EYA2: variants seen among roughly 807,000 people sequenced by gnomAD.
EYA2 encodes the protein EYA transcriptional coactivator and phosphatase 2, also known as protein phosphatase EYA2.
Under a neutral mutation model 69.2 loss-of-function variants are expected in EYA2, and 31 were observed. That is an observed-to-expected ratio of 0.45 (90% CI 0.34 to 0.60). The LOEUF (loss-of-function observed/expected upper bound fraction) is 0.60. Among genes scored for constraint, EYA2 ranks in the 20% least tolerant of loss-of-function variants. The pLI is 0.02. For synonymous variants in EYA2, 257 were observed against 279.4 expected (o/e 0.92, Z 0.80); for missense variants, 622 against 701.2 (o/e 0.89, Z 1.28).
intron 1 of EYA2, among the ~76,000 whole-genome samples, chr20:46,953,206 A>G (rs1019784456): frequency 6.6e-6 from 1 of 152,158 alleles, no homozygotes; most frequent in African/African-American, 2.4e-5. Flanking sequence ...AATTCGTTTC[A>G]TCTTCATGAC....
At chr20:47,184,263 G>A (rs2034592555) in intron 15 of EYA2, among the ~76,000 whole-genome samples, 1 of 152,124 alleles carries the variant, frequency 6.6e-6, no homozygotes, top group Admixed American at 6.5e-5. Context: ...CAGCTGCCAG[G>A]GTCAGTCGCA....
At chr20:47,072,618 C>T (rs1336546529) in intron 6 of EYA2, among the ~76,000 whole-genome samples, 1 of 152,196 alleles carries the variant, frequency 6.6e-6, no homozygotes, top group Non-Finnish European at 1.5e-5. Flanking sequence ...TTGCTCACCT[C>T]TGCATCCCCA....
intron 10 of EYA2, among the ~76,000 whole-genome samples, chr20:47,165,889 C>T (rs1295132424): frequency 2.0e-5 from 3 of 152,030 alleles, no homozygotes; most frequent in Admixed American, 6.5e-5. Flanking sequence ...ACCATAACAA[C>T]AAGACTACCT....
rs1030539225 is a variant in EYA2 at position 47,176,081 on chromosome 20, T to C, written c.1198+3214T>C. On this transcript the variant is annotated intron_variant, in intron 12 of 15. Coordinates refer to ENST00000327619, the MANE Select transcript of EYA2 (RefSeq NM_005244.5). ...GTGAGCAAATCACTTAAATTCTTTT[T>C]TTTTTTTTTTTTTTTTGAGATGGAG... Among the ~76,000 whole-genome samples the C allele has an allele frequency of 6.8e-5, 10 of 146,818 alleles. No homozygotes were observed. The East Asian group carries it at 7.9e-4, about 12-fold the overall frequency.
At position 47,089,375 on chromosome 20, in the gene EYA2, G is replaced by T. The variant is rs758003318; in HGVS notation, c.798G>T (p.Glu266Asp). 1.9e-6 allele frequency: 3 copies of T among 1,612,866 alleles called. No homozygotes were observed. Among genetic ancestry groups the T allele is most frequent in the African/African-American group, 2.7e-5 (2 of 74,872 alleles). ...SSDPSPAGDNEIERVFVWDLD... is the reference protein window; with the variant it reads ...SSDPSPAGDNDIERVFVWDLD... ...ACCCGTCCCCGGCAGGGGACAATGA[G>T]ATTGAGGTAATCCAAAGGGGCTCTG... Residue 266 changes from glutamate (E) to aspartate (D), a missense_variant, in exon 8 of 16, where the codon GAG becomes GAT. Around this residue, in one of 2 missense-constraint regions of EYA2, gnomAD observed 365 missense variants for 349.7 expected, o/e 1.04. Coordinates refer to ENST00000327619, the MANE Select transcript of EYA2 (RefSeq NM_005244.5).
At chr20:47,113,722 C>T (rs2032815407) in intron 9 of EYA2, among the ~76,000 whole-genome samples, 1 of 152,144 alleles carries the variant, frequency 6.6e-6, no homozygotes, top group Non-Finnish European at 1.5e-5. Flanking sequence ...AGAGAAATGC[C>T]CAGCATCTGC....
At chr20:46,976,599 A>G (rs891122654) in intron 1 of EYA2, among the ~76,000 whole-genome samples, 2 of 152,148 alleles carry the variant, frequency 1.3e-5, no homozygotes, top group African/African-American at 4.8e-5. Flanking sequence ...GTTAGCCAGG[A>G]TGGTCTCGAT....
intron 2 of EYA2, among the ~76,000 whole-genome samples, chr20:47,000,918 T>C (rs1982327690): frequency 6.6e-6 from 1 of 152,080 alleles, no homozygotes; most frequent in Non-Finnish European, 1.5e-5. Flanking sequence ...AGCCATGTCA[T>C]TAGAAGAAGG....
intron 1 of EYA2, among the ~76,000 whole-genome samples, chr20:46,981,484 G>GT (rs1568701536): frequency 6.6e-6 from 1 of 152,156 alleles, no homozygotes; most frequent in Non-Finnish European, 1.5e-5. Context: ...GGCTTTATTA[G>GT]TGCTGTTCAT....
At chr20:47,105,616 C>T (rs1256724067) in intron 9 of EYA2, among the ~76,000 whole-genome samples, 1 of 96,824 alleles carries the variant, frequency 1.0e-5, no homozygotes, top group African/African-American at 5.1e-5. Flanking sequence ...CAGAGCAAGA[C>T]TCTGTCCCAA....
intron 6 of EYA2, 139 bp from the exon 7 acceptor site, chr20:47,074,019 T>C: frequency 1.2e-6 from 1 of 830,842 alleles, no homozygotes; most frequent in Non-Finnish European, 1.8e-6. Flanking sequence ...GGTCTGCTTC[T>C]GGGAAACCAA....
At chr20:46,981,962 T>G (rs1385092342) in intron 1 of EYA2, among the ~76,000 whole-genome samples, 3 of 152,198 alleles carry the variant, frequency 2.0e-5, no homozygotes, top group Non-Finnish European at 4.4e-5. Flanking sequence ...CTTTAAGTGG[T>G]TATCCTAAAT....
chr20:47,046,797 G>A (rs2030062635), intron 5 of EYA2, among the ~76,000 whole-genome samples: 1 of 151,936 alleles, frequency 6.6e-6, no homozygotes, highest in Admixed American at 6.5e-5. Context: ...GAGTTCAGCA[G>A]CTTGGTGAAC....
rs112923982 is a variant in EYA2 at position 47,055,538 on chromosome 20, C to A, written c.416-16647C>A. Among the ~76,000 whole-genome samples, 1,152 of 152,258 alleles carry A rather than the reference C, an allele frequency of 7.6e-3. 18 individuals carry two copies. The highest frequency in any genetic ancestry group is 0.026 in the African/African-American group (1,091 of 41,546). ...CTGCGACCGCCTTACCTGGGCCCAG[C>A]ACCGTGCAGTTCCTGATGACCTCTC... On this transcript the variant is annotated intron_variant, in intron 5 of 15. Transcript: ENST00000327619.
chr20:47,020,442 A>G (rs1299035099), intron 5 of EYA2, among the ~76,000 whole-genome samples: 1 of 152,242 alleles, frequency 6.6e-6, no homozygotes, highest in Non-Finnish European at 1.5e-5. Flanking sequence ...GCTCTTGTTC[A>G]GCCTTTGCAG....
At chr20:46,918,956 G>A (rs978149697) in intron 1 of EYA2, among the ~76,000 whole-genome samples, 2 of 152,200 alleles carry the variant, frequency 1.3e-5, no homozygotes, top group African/African-American at 2.4e-5. Context: ...TTATCTCCTT[G>A]TATATCTCCA....
At chr20:47,122,054 G>T (rs1226058716) in intron 9 of EYA2, among the ~76,000 whole-genome samples, 1 of 151,906 alleles carries the variant, frequency 6.6e-6, no homozygotes, top group Non-Finnish European at 1.5e-5. Flanking sequence ...TACAAATCCA[G>T]CTTTCTGGTT....
chr20:47,087,252 A>C (rs2031925443), intron 7 of EYA2, among the ~76,000 whole-genome samples: 1 of 152,046 alleles, frequency 6.6e-6, no homozygotes, highest in African/African-American at 2.4e-5. Flanking sequence ...GTAGAAAAAA[A>C]CTCTCCCTAG....
chr20:47,114,214 C>T (rs375229802), intron 9 of EYA2, among the ~76,000 whole-genome samples: 1 of 152,226 alleles, frequency 6.6e-6, no homozygotes, highest in Non-Finnish European at 1.5e-5. Context: ...AGGCTCACCT[C>T]GCTGAAGTGC....
Sources: gnomAD v4.1 joint callset for allele counts (sites outside exome capture counted in the v4.1 genomes callset) on GRCh38, gnomAD v4.1.1 for gene constraint, gnomAD v4.1.1 regional missense constraint, MANE v1.5 for transcripts, NCBI Gene and HGNC (gene_info 2026-07-23, HGNC 2026-07-21) for gene names.